The following FAM81A variants were observed in gnomAD, a reference collection of about 807,000 sequenced individuals.
The protein encoded by FAM81A is family with sequence similarity 81 member A.
In FAM81A, 19 loss-of-function variants were observed where a neutral mutation model predicts 46.7. The ratio of observed to expected loss-of-function variants is 0.41; its 90% CI spans 0.28 to 0.60. The LOEUF (loss-of-function observed/expected upper bound fraction) is 0.60, where lower values mean the gene tolerates loss of function less well. FAM81A is among the 20% of genes least tolerant of loss of function. The probability of loss-of-function intolerance (pLI) is 0.34; values close to 1 mark genes in which losing one functional copy is unlikely to be tolerated. For synonymous variants in FAM81A, 183 were observed against 152.9 expected (o/e 1.20, Z -1.45); for missense variants, 377 against 453.5 (o/e 0.83, Z 1.53).
rs116104752 is a variant in FAM81A at position 59,409,362 on chromosome 15, C to T, written c.-78+7004C>T. On this transcript the variant is annotated intron_variant, in intron 2 of 4. Transcript: ENST00000558348. ...TCTCCTTTCTTCCCTGCCTGATCACCGTCCCTGTCCCTCTGAGAAAAATCC... is the reference window on the plus strand; with the variant it reads ...TCTCCTTTCTTCCCTGCCTGATCACTGTCCCTGTCCCTCTGAGAAAAATCC... Among the ~76,000 whole-genome samples, 69 of 152,250 alleles carry T rather than the reference C, an allele frequency of 4.5e-4. 1 individual carries two copies. The highest frequency in any genetic ancestry group is 1.5e-3 in the African/African-American group (63 of 41,556).
At chr15:59,411,169 C>G (rs1222111960) in intron 2 of FAM81A, among the ~76,000 whole-genome samples, 1 of 152,128 alleles carries the variant, frequency 6.6e-6, no homozygotes, top group Non-Finnish European at 1.5e-5. Flanking sequence ...TGAATGACCC[C>G]AAATATCATA....
chr15:59,503,156 C>T (rs573546969), intron 4 of FAM81A, among the ~76,000 whole-genome samples: 209 of 148,804 alleles, frequency 1.4e-3, no homozygotes, highest in Non-Finnish European at 1.9e-3. Context: ...GCAGGACAAT[C>T]GCTTGAGCCC....
intron 3 of FAM81A, among the ~76,000 whole-genome samples, chr15:59,468,540 C>T (rs547214874): frequency 6.6e-5 from 10 of 151,924 alleles, no homozygotes; most frequent in East Asian, 1.9e-4. Context: ...TATTTCTGTG[C>T]GATCAGTGGT....
chr15:59,465,736 C>G (rs1035409063), intron 3 of FAM81A, among the ~76,000 whole-genome samples: 1 of 151,914 alleles, frequency 6.6e-6, no homozygotes, highest in Non-Finnish European at 1.5e-5. Context: ...AGGGTACATG[C>G]GCACAACGTG....
intron 2 of FAM81A, among the ~76,000 whole-genome samples, chr15:59,432,299 T>C (rs1434026528): frequency 6.6e-6 from 1 of 152,256 alleles, no homozygotes; most frequent in Admixed American, 6.5e-5. Flanking sequence ...ACTCCTTTGC[T>C]AGTGCAGACC....
At chr15:59,478,178 G>A (rs1253238369) in intron 3 of FAM81A, among the ~76,000 whole-genome samples, 2 of 152,120 alleles carry the variant, frequency 1.3e-5, no homozygotes, top group African/African-American at 4.8e-5. Flanking sequence ...TCTGGCCTTT[G>A]GGAACCATGC....
chr15:59,488,142 T>C (rs1262045417), intron 3 of FAM81A, among the ~76,000 whole-genome samples: 1 of 152,116 alleles, frequency 6.6e-6, no homozygotes, highest in East Asian at 1.9e-4. Context: ...GTGTGATACA[T>C]CATATCAACA....
At chr15:59,426,618 C>T (rs373127955) in intron 2 of FAM81A, among the ~76,000 whole-genome samples, 2 of 152,262 alleles carry the variant, frequency 1.3e-5, no homozygotes, top group East Asian at 3.9e-4. Context: ...GTCTCAAAAA[C>T]ACCCAAACAA....
At chr15:59,515,226 A>C (rs1029859427) in intron 7 of FAM81A, among the ~76,000 whole-genome samples, 6 of 152,214 alleles carry the variant, frequency 3.9e-5, no homozygotes, top group Non-Finnish European at 7.3e-5. Context: ...CCTGGGCGAC[A>C]GAGTGAGACT....
intron 3 of FAM81A, among the ~76,000 whole-genome samples, chr15:59,467,083 A>G (rs2081623469): frequency 6.6e-6 from 1 of 152,240 alleles, no homozygotes; most frequent in Non-Finnish European, 1.5e-5. Flanking sequence ...TTTTAGTACC[A>G]GTACCATGCC....
At chr15:59,488,662 C>T (rs1289866986) in intron 3 of FAM81A, among the ~76,000 whole-genome samples, 1 of 152,226 alleles carries the variant, frequency 6.6e-6, no homozygotes, top group Non-Finnish European at 1.5e-5. Flanking sequence ...AAAGTAATCT[C>T]ATTTCCAATT....
At chr15:59,465,850 C>T (rs2081606132) in intron 3 of FAM81A, among the ~76,000 whole-genome samples, 1 of 152,164 alleles carries the variant, frequency 6.6e-6, no homozygotes, top group South Asian at 2.1e-4. Context: ...CCCCCAGCCC[C>T]CCGTCCGCTG....
chr15:59,511,718 C>T (rs576641583), intron 6 of FAM81A, among the ~76,000 whole-genome samples: 2 of 152,244 alleles, frequency 1.3e-5, no homozygotes, highest in East Asian at 3.9e-4. Flanking sequence ...TGTGCTTGAT[C>T]TCGGCTCACT....
intron 3 of FAM81A, among the ~76,000 whole-genome samples, chr15:59,474,187 G>A (rs2081736358): frequency 6.6e-6 from 1 of 152,190 alleles, no homozygotes; most frequent in African/African-American, 2.4e-5. Context: ...CTCTCAAAAA[G>A]AGAGGAACCT....
At chr15:59,501,913 C>T (rs2082094699) in intron 4 of FAM81A, among the ~76,000 whole-genome samples, 1 of 151,956 alleles carries the variant, frequency 6.6e-6, no homozygotes, top group Non-Finnish European at 1.5e-5. Flanking sequence ...CTGAGGCTGT[C>T]TTTTATGAGT....
At position 59,460,826 on chromosome 15, in the gene FAM81A, C is replaced by T. The variant is rs1314512571; in HGVS notation, c.294+620C>T. On this transcript the variant is annotated intron_variant, in intron 3 of 8. Transcript: ENST00000288228. The surrounding 1 kb of genome is among the most constrained non-coding windows in gnomAD (Gnocchi z 4.4). The stretch of plus-strand genomic sequence containing the variant: ...TCAGATCATTTAGGGCTTGGGTTTC[C>T]CTCACTACGCAATGTTCATATCTTT... Among the ~76,000 whole-genome samples, 1 of 152,130 alleles carries T rather than the reference C, an allele frequency of 6.6e-6. No homozygotes were observed. Among genetic ancestry groups the T allele is most frequent in the Non-Finnish European group, 1.5e-5 (1 of 68,026 alleles).
chr15:59,510,098 G>T (rs2082189440), intron 6 of FAM81A, among the ~76,000 whole-genome samples: 2 of 152,288 alleles, frequency 1.3e-5, no homozygotes, highest in African/African-American at 4.8e-5. Flanking sequence ...GGGTGCAGTG[G>T]CTCATGCCTA....
intron 2 of FAM81A, among the ~76,000 whole-genome samples, chr15:59,429,102 A>T (rs953191283): frequency 1.3e-5 from 2 of 152,240 alleles, no homozygotes; most frequent in Non-Finnish European, 2.9e-5. Flanking sequence ...TTGAATGGAA[A>T]TAAGTTTCCC....
intron 3 of FAM81A, among the ~76,000 whole-genome samples, chr15:59,473,011 C>T (rs1163764615): frequency 1.3e-5 from 2 of 152,108 alleles, no homozygotes; most frequent in South Asian, 2.1e-4. Context: ...AACCCCAACT[C>T]GAACATTTCA....
Sources: allele counts gnomAD v4.1 joint callset (sites outside exome capture counted in the v4.1 genomes callset), GRCh38; gene constraint gnomAD v4.1.1; non-coding constraint Gnocchi (gnomAD v3.1); transcripts MANE v1.5; gene names NCBI Gene and HGNC (gene_info 2026-07-23, HGNC 2026-07-21).